The following SUSD1 variants were observed in gnomAD, a reference collection of about 807,000 sequenced individuals.
SUSD1 encodes the protein sushi domain-containing protein 1.
SUSD1 carries 65 observed loss-of-function variants against 86.9 expected under a neutral mutation model. The observed-to-expected ratio is 0.75, with a 90% CI of 0.61 to 0.92. The LOEUF (loss-of-function observed/expected upper bound fraction) is 0.92, where lower values mean the gene tolerates loss of function less well. Among genes scored for constraint, SUSD1 ranks in the 40% least tolerant of loss-of-function variants. The pLI is 0.00. For missense variants in SUSD1, 850 were observed against 929.7 expected, an observed-to-expected ratio of 0.91 and a Z score of 1.11; for synonymous variants, 346 against 350.0, an observed-to-expected ratio of 0.99 and a Z score of 0.13.
At chr9:112,104,446 A>G (rs970264454) in intron 8 of SUSD1, among the ~76,000 whole-genome samples, 4 of 152,136 alleles carry the variant, frequency 2.6e-5, no homozygotes, top group African/African-American at 7.2e-5. Context: ...CCCACTGTAG[A>G]TTAGTAATGG....
At chr9:112,073,628 T>G (rs1043999282) in intron 12 of SUSD1, among the ~76,000 whole-genome samples, 1 of 152,138 alleles carries the variant, frequency 6.6e-6, no homozygotes, top group Non-Finnish European at 1.5e-5. Flanking sequence ...GGCTCATGCC[T>G]GTAATCCCAG....
intron 10 of SUSD1, among the ~76,000 whole-genome samples, chr9:112,088,401 G>C (rs1171004405): frequency 6.6e-6 from 1 of 152,166 alleles, no homozygotes; most frequent in Admixed American, 6.6e-5. Flanking sequence ...GAGAGGAAAA[G>C]GGATGCAGAA....
At chr9:112,095,450 AAAG>A (rs1830357179) in intron 10 of SUSD1, among the ~76,000 whole-genome samples, 1 of 152,212 alleles carries the variant, frequency 6.6e-6, no homozygotes, top group Non-Finnish European at 1.5e-5. Flanking sequence ...AGTTTCCATC[AAAG>A]AAGCACCGAC....
In SUSD1 at chr9:112,107,975, T is replaced by C. The variant is rs181027843; in HGVS notation, c.1171+3679A>G. On this transcript the variant is annotated intron_variant, in intron 8 of 16. Coordinates refer to ENST00000374270, the MANE Select transcript of SUSD1 (RefSeq NM_022486.5). ...CTCTACCTTATTATCTAGCACCTAC[T>C]GAAATTACCAAACTTGGCCAAATGG... 2.6e-4 allele frequency among the ~76,000 whole-genome samples: 39 copies of C among 152,290 alleles called. No homozygotes were observed. The East Asian group carries it at 7.3e-3, about 29-fold the overall frequency.
At position 112,098,977 on chromosome 9, in the gene SUSD1, A is replaced by G. The variant is rs561342382; in HGVS notation, c.1282-315T>C. Among the ~76,000 whole-genome samples the G allele has an allele frequency of 3.0e-4, 45 of 151,890 alleles. 1 individual carries two copies. In the South Asian group the frequency reaches 8.5e-3, roughly 29 times the overall value. Reference sequence around the variant, plus strand: ...GAGATTACATTGGAGCTAATGGGCAAAATTATTTTTTTTCCTCCTTCCCTT... The same window carrying G: ...GAGATTACATTGGAGCTAATGGGCAGAATTATTTTTTTTCCTCCTTCCCTT... On this transcript the variant is annotated intron_variant, in intron 9 of 16. Coordinates refer to ENST00000374270, the MANE Select transcript of SUSD1 (RefSeq NM_022486.5).
At chr9:112,173,745 G>A in intron 1 of SUSD1, 3 of 375,472 alleles carry the variant, frequency 8.0e-6, no homozygotes, top group East Asian at 6.8e-5. Flanking sequence ...CCTCCTTGGG[G>A]TTTATGAGGG....
intron 5 of SUSD1, among the ~76,000 whole-genome samples, chr9:112,139,130 G>A (rs978233732): frequency 2.0e-5 from 3 of 152,190 alleles, no homozygotes; most frequent in African/African-American, 7.2e-5. Context: ...GCCACATCCA[G>A]ATGGTTTTAT....
intron 10 of SUSD1, among the ~76,000 whole-genome samples, chr9:112,088,916 G>A (rs935781943): frequency 2.0e-5 from 3 of 152,142 alleles, no homozygotes; most frequent in Non-Finnish European, 4.4e-5. Flanking sequence ...AGACCAGCAT[G>A]GGCAACAAAG....
chr9:112,134,781 A>G (rs76490546), intron 5 of SUSD1, among the ~76,000 whole-genome samples: 1 of 151,854 alleles, frequency 6.6e-6, no homozygotes, highest in South Asian at 2.1e-4. Flanking sequence ...AAAAAAAAAA[A>G]ATGTGGCCAG....
intron 13 of SUSD1, among the ~76,000 whole-genome samples, chr9:112,059,825 T>C (rs1296202423): frequency 6.6e-6 from 1 of 152,204 alleles, no homozygotes; most frequent in Non-Finnish European, 1.5e-5. Flanking sequence ...AGCTCCTGCC[T>C]CTAGTACCAT....
intron 14 of SUSD1, among the ~76,000 whole-genome samples, chr9:112,057,270 T>A (rs1043444779): frequency 1.3e-5 from 2 of 152,182 alleles, no homozygotes; most frequent in Non-Finnish European, 2.9e-5. Flanking sequence ...GAAATAAATG[T>A]CTGTTGCCTA....
At chr9:112,171,700 T>C (rs1052549243) in intron 1 of SUSD1, among the ~76,000 whole-genome samples, 3 of 152,114 alleles carry the variant, frequency 2.0e-5, no homozygotes, top group Admixed American at 6.5e-5. Context: ...CCCCCACTTA[T>C]AGCCCAAGTT....
chr9:112,139,871 A>AT (rs988156187), intron 5 of SUSD1, among the ~76,000 whole-genome samples: 1 of 152,034 alleles, frequency 6.6e-6, no homozygotes, highest in Non-Finnish European at 1.5e-5. Context: ...AATTAAAAAA[A>AT]TTTTTTTTCA....
chr9:112,123,589 C>T (rs1248530177), intron 6 of SUSD1, among the ~76,000 whole-genome samples: 1 of 152,140 alleles, frequency 6.6e-6, no homozygotes, highest in East Asian at 1.9e-4. Flanking sequence ...CACTTGAGAC[C>T]TGGAGTTCGA....
chr9:112,145,277 CCTTTT>C (rs1832761039), intron 3 of SUSD1, among the ~76,000 whole-genome samples: 3 of 125,210 alleles, frequency 2.4e-5, no homozygotes, highest in Non-Finnish European at 5.2e-5. Context: ...ACCATAATTT[CCTTTT>C]TTTTTTTTTT....
At chr9:112,171,924 A>G (rs1321945506) in intron 1 of SUSD1, among the ~76,000 whole-genome samples, 1 of 152,110 alleles carries the variant, frequency 6.6e-6, no homozygotes, top group Non-Finnish European at 1.5e-5. Flanking sequence ...GGCCAGGAGC[A>G]GTGGCTTATG....
rs887812505 is a variant in SUSD1, at chr9:112,078,713, C to A, written c.1578G>T (p.Trp526Cys). Residue 526 changes from tryptophan to cysteine, a missense_variant, in exon 12 of 17, where the codon TGG (tryptophan) becomes TGT (cysteine). Transcript: ENST00000374270. Reference sequence around the variant, plus strand: ...ATTCCTTCTGATACCATCTCTGGCCCCAAATGTGGAACTGAAACATAAAAA... The same window carrying A: ...ATTCCTTCTGATACCATCTCTGGCCACAAATGTGGAACTGAAACATAAAAA... ...DMEEMYLFHIWGQRWYQKEFA... is the reference protein window; with the variant it reads ...DMEEMYLFHICGQRWYQKEFA... The A allele has an allele frequency of 6.2e-6, 10 of 1,612,106 alleles. 1 individual carries two copies. The highest frequency in any genetic ancestry group is 3.3e-5 in the Admixed American group (2 of 59,952).
At chr9:112,077,955 C>T (rs1011077031) in intron 12 of SUSD1, among the ~76,000 whole-genome samples, 7 of 152,140 alleles carry the variant, frequency 4.6e-5, no homozygotes, top group African/African-American at 1.7e-4. Context: ...GGACACACTA[C>T]CCACATTTCA....
intron 12 of SUSD1, among the ~76,000 whole-genome samples, chr9:112,063,396 A>G (rs1828820870): frequency 6.6e-6 from 1 of 152,248 alleles, no homozygotes; most frequent in Non-Finnish European, 1.5e-5. Context: ...GTTGCACAAC[A>G]TGCCAATAAA....
Sources: gnomAD v4.1 joint callset for allele counts (sites outside exome capture counted in the v4.1 genomes callset) on GRCh38, gnomAD v4.1.1 for gene constraint, MANE v1.5 for transcripts, NCBI Gene and HGNC (gene_info 2026-07-23, HGNC 2026-07-21) for gene names.